Variants in GCA observed in about 807,000 individuals in gnomAD.
The protein encoded by GCA is grancalcin, also known as grancalcin, EF-hand calcium-binding protein.
A neutral mutation model predicts 32.6 loss-of-function variants in GCA; 30 were observed. That is an observed-to-expected ratio of 0.92 (90% CI 0.69 to 1.25). The LOEUF is 1.25. Among genes scored for constraint, GCA ranks in the 50% most tolerant of loss-of-function variants. The probability of loss-of-function intolerance (pLI) is 0.00; values close to 1 mark genes in which losing one functional copy is unlikely to be tolerated. For synonymous variants in GCA, 102 were observed against 84.6 expected (o/e 1.21, Z -1.13); for missense variants, 291 against 266.8 (o/e 1.09, Z -0.63).
intron 1 of GCA, among the ~76,000 whole-genome samples, chr2:162,346,334 T>C (rs1684707894): frequency 6.6e-6 from 1 of 152,218 alleles, no homozygotes; most frequent in African/African-American, 2.4e-5. Context: ...TTAATCTGTT[T>C]TCCCTTCCCA....
intron 2 of GCA, among the ~76,000 whole-genome samples, chr2:162,349,837 T>A (rs1002830904): frequency 5.9e-5 from 9 of 152,188 alleles, no homozygotes; most frequent in Non-Finnish European, 8.8e-5. Flanking sequence ...GTCTTAGCTG[T>A]AGTCCATATC....
chr2:162,322,582 A>G (rs1453490262), intron 1 of GCA, among the ~76,000 whole-genome samples: 3 of 112,568 alleles, frequency 2.7e-5, no homozygotes, highest in East Asian at 3.1e-4. Context: ...AACAGTCCCC[A>G]GAGTGTGATG....
At chr2:162,339,458 G>A (rs534337376), upstream of GCA, among the ~76,000 whole-genome samples, 2 of 152,182 alleles carry the variant, frequency 1.3e-5, no homozygotes, top group African/African-American at 4.8e-5. Flanking sequence ...CAGAACAACA[G>A]TGAACATTAT....
chr2:162,335,134 G>A (rs997635163), intron 1 of GCA, among the ~76,000 whole-genome samples: 1 of 152,078 alleles, frequency 6.6e-6, no homozygotes, highest in Non-Finnish European at 1.5e-5. Flanking sequence ...GTGTGAACAC[G>A]GAACCCAATT....
intron 1 of GCA, 49 bp downstream of exon 1, chr2:162,344,324 GC>G: frequency 1.3e-6 from 2 of 1,584,356 alleles, no homozygotes; most frequent in Non-Finnish European, 1.7e-6. Context: ...GGGGTGTGGC[GC>G]CCCCGGGGGC....
At chr2:162,371,429 T>C in exon 5 of GCA, 1 of 1,288,138 alleles carries the variant, frequency 7.8e-7, no homozygotes, top group Admixed American at 2.3e-5. Flanking sequence ...TCATCTGAAT[T>C]TGAGTTGCAT....
rs1685537645 is a variant in GCA at position 162,360,797 on chromosome 2, G to C, written c.*554G>C. ...TGTGAAGAAGAAAATTATCTCCCTA[G>C]TTCAATCTGTAGTGAAATAAGACTA... On this transcript the variant is annotated 3_prime_UTR_variant, in exon 8 of 8. Transcript: ENST00000437150. 3 of 1,320,334 alleles carry C rather than the reference G, an allele frequency of 2.3e-6. No individual in the cohort carries two copies. Among genetic ancestry groups the C allele is most frequent in the Non-Finnish European group, 2.9e-6 (3 of 1,025,144 alleles). The allele number at this position is 1,320,334 out of a possible 1,614,324, so 81.8% of individuals were successfully genotyped here.
At chr2:162,334,779 G>A (rs1684211569) in intron 1 of GCA, among the ~76,000 whole-genome samples, 1 of 138,392 alleles carries the variant, frequency 7.2e-6, no homozygotes, top group East Asian at 2.2e-4. Flanking sequence ...GGAGGTACTC[G>A]ATGCATATTT....
At chr2:162,336,108 G>A (rs2105284598) in intron 1 of GCA, among the ~76,000 whole-genome samples, 1 of 152,222 alleles carries the variant, frequency 6.6e-6, no homozygotes, top group African/African-American at 2.4e-5. Flanking sequence ...AATATCAGCT[G>A]ATTTTTTTTT....
chr2:162,349,327 A>C (rs1162391967), intron 2 of GCA, among the ~76,000 whole-genome samples: 2 of 152,020 alleles, frequency 1.3e-5, no homozygotes. Flanking sequence ...GATTGAAAAG[A>C]GGGTGTATTG....
At chr2:162,333,283 G>A (rs1478738854) in intron 1 of GCA, among the ~76,000 whole-genome samples, 1 of 152,090 alleles carries the variant, frequency 6.6e-6, no homozygotes, top group Non-Finnish European at 1.5e-5. Context: ...ACGAAGAGAT[G>A]AGACACCTAT....
At chr2:162,346,789 A>G (rs1401083033) in intron 1 of GCA, 1 of 152,238 alleles carries the variant, frequency 6.6e-6, no homozygotes, top group Non-Finnish European at 1.5e-5. Context: ...AGGCTTAGAC[A>G]ATATTTTCAT....
chr2:162,371,150 G>A (rs1014597287), intron 4 of GCA, among the ~76,000 whole-genome samples: 2 of 152,048 alleles, frequency 1.3e-5, no homozygotes, highest in African/African-American at 4.8e-5. Context: ...ATGTGCCAGT[G>A]GAAAATACTT....
intron 1 of GCA, among the ~76,000 whole-genome samples, chr2:162,328,218 C>CAAAA (rs35156397): frequency 3.3e-5 from 3 of 90,038 alleles, no homozygotes; most frequent in Admixed American, 1.3e-4. Context: ...CTGTTTCTAC[C>CAAAA]AAAAAAAAAA....
downstream of GCA, among the ~76,000 whole-genome samples, chr2:162,366,182 A>T (rs565677584): frequency 2.6e-5 from 4 of 151,878 alleles, no homozygotes; most frequent in East Asian, 1.9e-4. Context: ...GATTCATCTA[A>T]TTTTTGACAT....
In GCA at chr2:162,329,046, G is replaced by A. The variant is rs116406469; in HGVS notation, c.-31+9821G>A. Among the ~76,000 whole-genome samples, 1,146 of 152,180 alleles carry A rather than the reference G, an allele frequency of 7.5e-3. 12 individuals carry two copies. Among genetic ancestry groups the A allele is most frequent in the African/African-American group, 0.026 (1,090 of 41,512 alleles). On this transcript the variant is annotated intron_variant, in intron 1 of 4. Coordinates refer to the GCA transcript ENST00000429691. Reference sequence around the variant, plus strand: ...CATCCAGCCGCCTGTGTATTCTTCTGCTGATGTTCTCCTCTTGATGTCCAG... The same window carrying A: ...CATCCAGCCGCCTGTGTATTCTTCTACTGATGTTCTCCTCTTGATGTCCAG...
intron 1 of GCA, among the ~76,000 whole-genome samples, 187 bp from the exon 2 acceptor site, chr2:162,347,391 T>C (rs1684762670): frequency 6.6e-6 from 1 of 152,088 alleles, no homozygotes; most frequent in East Asian, 2.0e-4. Flanking sequence ...TAATATATGT[T>C]GATGAATTGA....
In GCA at chr2:162,356,752, T is replaced by A. The variant is rs542687038; in HGVS notation, c.307-6T>A. 1 of 1,594,414 alleles carries A rather than the reference T, an allele frequency of 6.3e-7. No individual in the cohort carries two copies. Among genetic ancestry groups the A allele is most frequent in the South Asian group, 1.1e-5 (1 of 90,302 alleles). On this transcript the variant is annotated splice_polypyrimidine_tract_variant and splice_region_variant and intron_variant, in intron 4 of 7. Transcript: ENST00000437150. Reference sequence around the variant, plus strand: ...CAGAATTTATTTTTGTTAATAAAACTATCAGAGAGATCACACAGGAAAAAT... The same window carrying A: ...CAGAATTTATTTTTGTTAATAAAACAATCAGAGAGATCACACAGGAAAAAT...
chr2:162,362,544 ACT>A lies in GCA; in HGVS notation c.*2304_*2305del, dbSNP rs1685621068. ...TGATGTAAATTATTGAATAATGTACACTCTTAATGTATAAGTGCTTTTATTTA... is the reference window on the plus strand; with the variant it reads ...TGATGTAAATTATTGAATAATGTACACTTAATGTATAAGTGCTTTTATTTA... On this transcript the variant is annotated 3_prime_UTR_variant, in exon 8 of 8. Transcript: ENST00000437150. The A allele has an allele frequency of 1.0e-6, 1 of 963,422 alleles. No homozygotes were observed. The highest frequency in any genetic ancestry group is 1.2e-6 in the Non-Finnish European group (1 of 810,118). 59.7% of individuals were successfully genotyped at this position (963,422 alleles called of 1,614,324 possible). A position where few individuals can be genotyped will look rare whatever the true frequency, so the allele number is the denominator to read the frequency against.
Sources: allele counts gnomAD v4.1 joint callset (sites outside exome capture counted in the v4.1 genomes callset), GRCh38; gene constraint gnomAD v4.1.1; transcripts MANE v1.5; gene names NCBI Gene and HGNC (gene_info 2026-07-23, HGNC 2026-07-21).